GLG1: variants seen among roughly 807,000 people sequenced by gnomAD.
The protein encoded by GLG1 is Golgi apparatus protein 1.
GLG1 carries 38 observed loss-of-function variants against 160.5 expected under a neutral mutation model. The ratio of observed to expected loss-of-function variants is 0.24; its 90% CI spans 0.18 to 0.31. GLG1 has a LOEUF of 0.31. Among genes scored for constraint, GLG1 ranks in the 10% least tolerant of loss-of-function variants. The probability of loss-of-function intolerance (pLI) is 1.00; values close to 1 mark genes in which losing one functional copy is unlikely to be tolerated. For missense variants in GLG1, 1,373 were observed against 1,505.2 expected, an observed-to-expected ratio of 0.91 and a Z score of 1.45; for synonymous variants, 644 against 543.4, an observed-to-expected ratio of 1.19 and a Z score of -2.57.
At chr16:74,474,755 A>G in intron 12 of GLG1, 123 bp from the exon 13 acceptor site, 1 of 701,870 alleles carries the variant, frequency 1.4e-6, no homozygotes, top group Non-Finnish European at 2.6e-6. Context: ...TTTTAAAATT[A>G]CCTCACTGAA....
At chr16:74,537,744 T>C (rs2017725595) in intron 1 of GLG1, among the ~76,000 whole-genome samples, 1 of 143,154 alleles carries the variant, frequency 7.0e-6, no homozygotes, top group Non-Finnish European at 1.5e-5. Context: ...TTTCAAGTTT[T>C]TTTAATGCAG....
In GLG1 at chr16:74,494,695, G is replaced by A. The variant is rs535507334; in HGVS notation, c.1050+65C>T. ...GCTGGGATTACAGGCGTGAGCCACCGTGTCTGGCTGAGAAAGCTTTTAAAA... is the reference window on the plus strand; with the variant it reads ...GCTGGGATTACAGGCGTGAGCCACCATGTCTGGCTGAGAAAGCTTTTAAAA... On this transcript the variant is annotated intron_variant, in intron 6 of 25. Coordinates refer to ENST00000422840, the MANE Select transcript of GLG1 (RefSeq NM_001145667.2). The A allele has an allele frequency of 1.6e-4, 124 of 761,194 alleles. 3 individuals are homozygous for A. Among genetic ancestry groups the A allele is most frequent in the South Asian group, 9.1e-4 (65 of 71,586 alleles). The allele number at this position is 761,194 out of a possible 1,614,324, so 47.2% of individuals were successfully genotyped here. A position where few individuals can be genotyped will look rare whatever the true frequency, so the allele number is the denominator to read the frequency against.
chr16:74,500,363 A>G lies in GLG1; in HGVS notation c.774+3168T>C, dbSNP rs539508506. ...GTTAACTTTATTATGGTAGAAAAAC[A>G]TCTGCTTAAAATCTACTGCCATTGC... On this transcript the variant is annotated intron_variant, in intron 4 of 25. Coordinates refer to ENST00000422840, the MANE Select transcript of GLG1 (RefSeq NM_001145667.2). 5.3e-5 allele frequency among the ~76,000 whole-genome samples: 8 copies of G among 152,248 alleles called. No individual in the cohort carries two copies. The East Asian group carries it at 1.2e-3, about 22-fold the overall frequency.
At chr16:74,589,070 C>A (rs1719791697) in intron 1 of GLG1, among the ~76,000 whole-genome samples, 1 of 151,338 alleles carries the variant, frequency 6.6e-6, no homozygotes, top group Non-Finnish European at 1.5e-5. Context: ...GGTGAAACCC[C>A]GTCTCTACAA....
At chr16:74,516,134 T>C (rs926957511) in intron 2 of GLG1, among the ~76,000 whole-genome samples, 1 of 151,522 alleles carries the variant, frequency 6.6e-6, no homozygotes, top group Non-Finnish European at 1.5e-5. Context: ...CTGTCAACAT[T>C]AGACAGATCA....
chr16:74,479,914 CT>C (rs1332326926), intron 11 of GLG1, among the ~76,000 whole-genome samples: 3 of 152,076 alleles, frequency 2.0e-5, no homozygotes, highest in Non-Finnish European at 2.9e-5. Flanking sequence ...TGGCTAAAAG[CT>C]TCTAATGGAT....
At chr16:74,585,687 G>A (rs1958031920) in intron 1 of GLG1, among the ~76,000 whole-genome samples, 1 of 136,946 alleles carries the variant, frequency 7.3e-6, no homozygotes, top group Non-Finnish European at 1.5e-5. Flanking sequence ...CAGCCTGGGT[G>A]ACAGAGCCTG....
chr16:74,494,722 A>G (rs779225114), intron 6 of GLG1, 38 bp downstream of exon 6: 7 of 977,026 alleles, frequency 7.2e-6, no homozygotes, highest in Non-Finnish European at 1.2e-5. Flanking sequence ...CTTTTAAAAA[A>G]CAAATAAAAC....
At chr16:74,534,865 T>A (rs150803047) in intron 1 of GLG1, among the ~76,000 whole-genome samples, 81 of 152,336 alleles carry the variant, frequency 5.3e-4, no homozygotes, top group African/African-American at 1.8e-3. Flanking sequence ...TCCTAAGAGG[T>A]GCAGTACTGT....
At chr16:74,593,748 T>C (rs556537946) in intron 1 of GLG1, among the ~76,000 whole-genome samples, 3 of 152,126 alleles carry the variant, frequency 2.0e-5, no homozygotes, top group Non-Finnish European at 4.4e-5. Flanking sequence ...TACCAGAGCA[T>C]TTTTAACATA....
At chr16:74,510,832 T>C (rs1244599638) in intron 2 of GLG1, among the ~76,000 whole-genome samples, 1 of 152,112 alleles carries the variant, frequency 6.6e-6, no homozygotes, top group South Asian at 2.1e-4. Flanking sequence ...AATTGGCTAA[T>C]GGCATCACTG....
At chr16:74,468,226 CTTT>C (rs201829157) in intron 17 of GLG1, 68 of 83,310 alleles carry the variant, frequency 8.2e-4, no homozygotes, top group African/African-American at 3.2e-3. Context: ...CTTGAAATGT[CTTT>C]TTTTTTTTTT....
chr16:74,527,244 TC>T (rs1444173230), intron 2 of GLG1, among the ~76,000 whole-genome samples: 5 of 133,360 alleles, frequency 3.7e-5, no homozygotes, highest in South Asian at 4.9e-4. Context: ...TTAAGTCAGT[TC>T]TTTTTTTTTT....
chr16:74,502,246 G>GT (rs1207027630), intron 4 of GLG1, among the ~76,000 whole-genome samples: 5 of 152,144 alleles, frequency 3.3e-5, no homozygotes, highest in Non-Finnish European at 7.4e-5. Context: ...CTTTTCAGGA[G>GT]TTTTTTTCAT....
chr16:74,479,008 C>T (rs1485803585), intron 11 of GLG1, among the ~76,000 whole-genome samples: 1 of 127,046 alleles, frequency 7.9e-6, no homozygotes, highest in South Asian at 2.6e-4. Flanking sequence ...GAGTTCAAGA[C>T]CAACCTGGCC....
In GLG1 at chr16:74,452,805, A is replaced by G. The variant is rs1447630489; in HGVS notation, c.*362T>C. On this transcript the variant is annotated 3_prime_UTR_variant, in exon 26 of 26. Coordinates refer to ENST00000422840, the MANE Select transcript of GLG1 (RefSeq NM_001145667.2). ...ACTATATACATTTTTTTCTTTAAAA[A>G]AATTTTTTTTTTTGGTGGTTTTCTT... 2.0e-6 allele frequency: 2 copies of G among 1,008,928 alleles called. No individual in the cohort carries two copies. The highest frequency in any genetic ancestry group is 9.5e-5 in the East Asian group (1 of 10,522). 62.5% of individuals were successfully genotyped at this position (1,008,928 alleles called of 1,614,324 possible). A position where few individuals can be genotyped will look rare whatever the true frequency, so the allele number is the denominator to read the frequency against.
At chr16:74,543,072 T>C (rs879834732) in intron 1 of GLG1, among the ~76,000 whole-genome samples, 14 of 151,838 alleles carry the variant, frequency 9.2e-5, no homozygotes, top group Non-Finnish European at 2.1e-4. Context: ...GGTGAGTGCA[T>C]TGTTTACTTG....
At chr16:74,481,200 C>G (rs541911970) in intron 10 of GLG1, among the ~76,000 whole-genome samples, 1 of 152,310 alleles carries the variant, frequency 6.6e-6, no homozygotes, top group South Asian at 2.1e-4. Flanking sequence ...TCAGTTTTCT[C>G]TCTTCTTCCT....
At position 74,467,828 on chromosome 16, in the gene GLG1, C is replaced by T. The variant is rs959619795; in HGVS notation, c.2457G>A (p.Glu819=). 3.7e-6 allele frequency: 6 copies of T among 1,613,020 alleles called. No individual in the cohort carries two copies. Among genetic ancestry groups the T allele is most frequent in the South Asian group, 1.1e-5 (1 of 90,946 alleles). ...TCTTGCAGGCTTCGTATAGATCTGG[C>T]TCCAAGCGGATGTCCTCCGTCTGCA... ...ELEMTEDIRL[E]PDLYEACKSD... is the part of the protein sequence containing the mutation. The change falls in exon 18 of 26, where the codon GAG becomes GAA. Residue 819 remains glutamate, a synonymous_variant. Transcript: ENST00000422840.
Sources: allele counts gnomAD v4.1 joint callset (sites outside exome capture counted in the v4.1 genomes callset), GRCh38; gene constraint gnomAD v4.1.1; transcripts MANE v1.5; gene names NCBI Gene and HGNC (gene_info 2026-07-23, HGNC 2026-07-21).